The following RNF19A variants were observed in gnomAD, a reference collection of about 807,000 sequenced individuals.
RNF19A encodes the protein ring finger protein 19A, RBR E3 ubiquitin protein ligase.
RNF19A carries 32 observed loss-of-function variants against 75.7 expected under a neutral mutation model. The ratio of observed to expected loss-of-function variants is 0.42; its 90% CI spans 0.32 to 0.57. The LOEUF (loss-of-function observed/expected upper bound fraction) is 0.57. Ranked by LOEUF, RNF19A falls within the 20% of genes least tolerant of loss-of-function variation. RNF19A has a pLI of 0.10. For missense variants in RNF19A, 782 were observed against 1,036.3 expected, an observed-to-expected ratio of 0.75 and a Z score of 3.37; for synonymous variants, 335 against 345.2, an observed-to-expected ratio of 0.97 and a Z score of 0.33.
chr8:100,286,243 C>T (rs1586644040), intron 2 of RNF19A, among the ~76,000 whole-genome samples: 3 of 152,162 alleles, frequency 2.0e-5, no homozygotes, highest in Admixed American at 6.5e-5. Context: ...GCCCTGCATA[C>T]GTCCCAGAGT....
intron 1 of RNF19A, among the ~76,000 whole-genome samples, chr8:100,291,967 C>CT (rs56737985): frequency 0.31 from 30,919 of 99,962 alleles, 5,375 homozygotes; most frequent in East Asian, 0.41. Context: ...AGGACTAAGT[C>CT]TTTTTTTTTT....
rs1318477450 is a variant in RNF19A, at chr8:100,258,756, G to A, written c.2317C>T (p.His773Tyr). 3 of 1,614,236 alleles carry A rather than the reference G, an allele frequency of 1.9e-6. No individual in the cohort carries two copies. The highest frequency in any genetic ancestry group is 1.7e-5 in the Admixed American group (1 of 60,032). ...VENDRLENSP[H>Y]QCSISVVTQT... The stretch of plus-strand genomic sequence containing the variant: ...GTAACCACAGAAATGCTACACTGAT[G>A]TGGGGAATTTTCCAGACGGTCATTT... Residue 773 changes from histidine to tyrosine, a missense_variant, in exon 10 of 10, where the codon CAT becomes TAT. This residue lies in a region of RNF19A where 442 missense variants were observed against 541.6 expected (regional missense o/e 0.82). Coordinates refer to ENST00000341084, the MANE Select transcript of RNF19A (RefSeq NM_183419.4). The surrounding 1 kb of genome is among the most constrained non-coding windows in gnomAD (Gnocchi z 4.3).
Position 100,322,684 on chromosome 8 carries a change from TG to T in RNF19A, c.-242-9313del, listed in dbSNP as rs1822479403. On this transcript the variant is annotated intron_variant, in intron 1 of 3. Coordinates refer to the RNF19A transcript ENST00000519527. The surrounding 1 kb of genome is among the most constrained non-coding windows in gnomAD (Gnocchi z 5.1). ...TTAAGCTTAATCATTTCTTGTTTTT[TG>T]GTTTCAAGTGAGAGGCATGCAACTC... is the stretch of plus-strand genomic sequence containing the variant. Among the ~76,000 whole-genome samples the T allele has an allele frequency of 6.6e-6, 1 of 152,254 alleles. No homozygotes were observed. The highest frequency in any genetic ancestry group is 2.4e-5 in the African/African-American group (1 of 41,466).
rs114134283 is a variant in RNF19A, at chr8:100,298,550, T to C, written c.-93-10283A>G. Among the ~76,000 whole-genome samples the C allele has an allele frequency of 3.7e-3, 568 of 152,310 alleles. 4 individuals carry two copies. The highest frequency in any genetic ancestry group is 0.013 in the African/African-American group (524 of 41,568). On this transcript the variant is annotated intron_variant, in intron 1 of 9. Coordinates refer to ENST00000341084, the MANE Select transcript of RNF19A (RefSeq NM_183419.4). ...ACTCTCTTGGGTTCTAGCCTTAAGA[T>C]AGTTTCTATAATCTCTCAGAAACAG... is the stretch of plus-strand genomic sequence containing the variant.
At position 100,324,837 on chromosome 8, in the gene RNF19A, TCCTCCCTC is replaced by T. The variant is rs539809030; in HGVS notation, c.-243+11263_-243+11270del. Among the ~76,000 whole-genome samples the T allele has an allele frequency of 1.3e-5, 2 of 151,578 alleles. No homozygotes were observed. Among genetic ancestry groups the T allele is most frequent in the Non-Finnish European group, 2.9e-5 (2 of 67,840 alleles). Reference sequence around the variant, plus strand: ...CCTTCCTTCCTTCCTTCCTCCTTCTTCCTCCCTCCCTCCCTCCTTCCTTTCTCTCTTTC... The same window carrying T: ...CCTTCCTTCCTTCCTTCCTCCTTCTTCCTCCCTCCTTCCTTTCTCTCTTTC... On this transcript the variant is annotated intron_variant, in intron 1 of 3. Transcript: ENST00000519527. The surrounding 1 kb of genome is among the most constrained non-coding windows in gnomAD (Gnocchi z 4.2).
chr8:100,291,882 T>G (rs1397741645), intron 1 of RNF19A, among the ~76,000 whole-genome samples: 1 of 152,046 alleles, frequency 6.6e-6, no homozygotes, highest in Non-Finnish European at 1.5e-5. Flanking sequence ...GACATCCAGA[T>G]GTATGGTACT....
In RNF19A at chr8:100,259,721, G is replaced by A. The variant is rs556939026; in HGVS notation, c.1826+133C>T. On this transcript the variant is annotated intron_variant, in intron 9 of 9. Transcript: ENST00000341084. The surrounding 1 kb of genome is among the most constrained non-coding windows in gnomAD (Gnocchi z 4.5). ...GATCTATACAGATTTGCCTACTCTG[G>A]ACAGCTCACTGTTTCCTTTTCTCAG... The A allele has an allele frequency of 5.8e-5, 45 of 770,230 alleles. No homozygotes were observed. The East Asian group carries it at 1.2e-3, about 20-fold the overall frequency. The allele number at this position is 770,230 out of a possible 1,614,324, so 47.7% of individuals were successfully genotyped here. A position where few individuals can be genotyped will look rare whatever the true frequency, so the allele number is the denominator to read the frequency against.
intron 2 of RNF19A, among the ~76,000 whole-genome samples, chr8:100,282,485 C>T (rs989499834): frequency 6.6e-6 from 1 of 151,632 alleles, no homozygotes; most frequent in Non-Finnish European, 1.5e-5. Context: ...TTAAAAATAG[C>T]ACTCTCAGTT....
At chr8:100,290,987 G>C (rs886070579) in intron 1 of RNF19A, among the ~76,000 whole-genome samples, 1 of 152,154 alleles carries the variant, frequency 6.6e-6, no homozygotes, top group African/African-American at 2.4e-5. Flanking sequence ...GTCCTTAGAG[G>C]TCAACCTCCT....
Position 100,284,158 on chromosome 8 carries a change from AG to A in RNF19A, c.674+3342del, listed in dbSNP as rs1333641354. On this transcript the variant is annotated intron_variant, in intron 2 of 9. Transcript: ENST00000341084. This position sits in a 1 kb window ranked among gnomAD's most constrained non-coding sequence, Gnocchi z 4.3. ...AGCAATGACAAGCTTACTGTGTGCT[AG>A]GAATTTTGCTAGTAATAGCATTAAA... Among the ~76,000 whole-genome samples the A allele has an allele frequency of 6.6e-6, 1 of 152,214 alleles. No homozygotes were observed. Among genetic ancestry groups the A allele is most frequent in the Non-Finnish European group, 1.5e-5 (1 of 68,016 alleles).
chr8:100,290,613 C>A (rs1482259643), intron 1 of RNF19A, among the ~76,000 whole-genome samples: 4 of 152,152 alleles, frequency 2.6e-5, no homozygotes, highest in Non-Finnish European at 4.4e-5. Context: ...TTTCCCTTCA[C>A]AAACACAGGA....
chr8:100,273,767 CTTTAT>C (rs770369694), intron 3 of RNF19A, among the ~76,000 whole-genome samples: 4 of 152,004 alleles, frequency 2.6e-5, no homozygotes, highest in African/African-American at 7.3e-5. Context: ...TTATTAGTAT[CTTTAT>C]TTTATTATTA....
intron 1 of RNF19A, among the ~76,000 whole-genome samples, chr8:100,300,363 A>T (rs1228564958): frequency 6.6e-6 from 1 of 152,218 alleles, no homozygotes; most frequent in African/African-American, 2.4e-5. Context: ...AAAGCAACAA[A>T]ATCAGCTGGG....
Position 100,331,252 on chromosome 8 carries a change from G to A in RNF19A, c.-243+4856C>T, listed in dbSNP as rs556929770. ...AGAGAATCCAAGTGGCCGTCCTTTT[G>A]AACCTTGATTTCACATAATGTAGAA... On this transcript the variant is annotated intron_variant, in intron 1 of 3. Transcript: ENST00000519527. This position sits in a 1 kb window ranked among gnomAD's most constrained non-coding sequence, Gnocchi z 5.2. 6.6e-6 allele frequency among the ~76,000 whole-genome samples: 1 copy of A among 152,308 alleles called. No individual in the cohort carries two copies. Among genetic ancestry groups the A allele is most frequent in the South Asian group, 2.1e-4 (1 of 4,826 alleles).
At chr8:100,278,281 T>C (rs566305997) in intron 2 of RNF19A, among the ~76,000 whole-genome samples, 5 of 152,370 alleles carry the variant, frequency 3.3e-5, no homozygotes, top group African/African-American at 1.2e-4. Flanking sequence ...CATTTGATCA[T>C]ACAAGTGACT....
At chr8:100,272,292 T>C (rs1043369993) in intron 3 of RNF19A, among the ~76,000 whole-genome samples, 1 of 152,146 alleles carries the variant, frequency 6.6e-6, no homozygotes, top group African/African-American at 2.4e-5. Flanking sequence ...CATTATACTA[T>C]AAATATTGTA....
In RNF19A at chr8:100,264,292, G is replaced by A; in HGVS notation, c.1307-97C>T. ...AGTCTTTTCAAGAGAGTCATACAGA[G>A]AAAAGCGCCAGGGTTCTGAAGAGTT... On this transcript the variant is annotated intron_variant, in intron 6 of 9. Transcript: ENST00000341084. This position sits in a 1 kb window ranked among gnomAD's most constrained non-coding sequence, Gnocchi z 4.7. The A allele has an allele frequency of 3.0e-6, 3 of 1,011,126 alleles. No individual in the cohort carries two copies. The highest frequency in any genetic ancestry group is 4.2e-6 in the Non-Finnish European group (3 of 715,352). The allele number at this position is 1,011,126 out of a possible 1,614,324, so 62.6% of individuals were successfully genotyped here.
intron 1 of RNF19A, among the ~76,000 whole-genome samples, chr8:100,319,817 A>T (rs1413881582): frequency 2.7e-4 from 40 of 146,992 alleles, no homozygotes; most frequent in African/African-American, 9.8e-4. Context: ...GGCGTGAGCC[A>T]CCGCGTCCAG....
rs1420835790 is a variant in RNF19A, at chr8:100,331,296, G to GA, written c.-243+4811dup. Reference sequence around the variant, plus strand: ...TGTAGAAAAGCCATCGTCCTCTTGAGATATTCCCATTGCAACTCCTTTCAA... The same window carrying GA: ...TGTAGAAAAGCCATCGTCCTCTTGAGAATATTCCCATTGCAACTCCTTTCAA... On this transcript the variant is annotated intron_variant, in intron 1 of 3. Transcript: ENST00000519527. This position sits in a 1 kb window ranked among gnomAD's most constrained non-coding sequence, Gnocchi z 5.2. Among the ~76,000 whole-genome samples, 2 of 152,144 alleles carry GA rather than the reference G, an allele frequency of 1.3e-5. No individual in the cohort carries two copies. The highest frequency in any genetic ancestry group is 2.9e-5 in the Non-Finnish European group (2 of 68,032).
Sources: allele counts gnomAD v4.1 joint callset (sites outside exome capture counted in the v4.1 genomes callset), GRCh38; gene constraint gnomAD v4.1.1; regional missense constraint gnomAD v4.1.1; non-coding constraint Gnocchi (gnomAD v3.1); transcripts MANE v1.5; gene names NCBI Gene and HGNC (gene_info 2026-07-23, HGNC 2026-07-21).